Variants in BTBD9 observed in about 807,000 individuals in gnomAD.
BTBD9 encodes BTB domain containing 9.
In BTBD9, 49 loss-of-function variants were observed where a neutral mutation model predicts 64.3. The ratio of observed to expected loss-of-function variants is 0.76; its 90% CI spans 0.61 to 0.97. BTBD9 has a LOEUF of 0.97. BTBD9 is among the 50% of genes least tolerant of loss of function. The pLI, the probability that BTBD9 is intolerant of heterozygous loss-of-function variation, is 0.00. For missense variants in BTBD9, 598 were observed against 762.1 expected (o/e 0.78, Z 2.53); for synonymous variants, 260 against 274.7 (o/e 0.95, Z 0.53).
chr6:38,481,149 TG>T (rs1258589562), intron 6 of BTBD9, among the ~76,000 whole-genome samples: 2 of 152,030 alleles, frequency 1.3e-5, no homozygotes, highest in East Asian at 3.8e-4. Context: ...CCCATGATGA[TG>T]TGAAAGGGAA....
At position 38,484,234 on chromosome 6, in the gene BTBD9, G is replaced by C. The variant is rs192611640; in HGVS notation, c.1154+93366C>G. On this transcript the variant is annotated intron_variant, in intron 6 of 10. Transcript: ENST00000481247. ...AATCAGACCTATGAAACTAGAACTA[G>C]AATTACTAAGGAAGTGTTATATTTT... Among the ~76,000 whole-genome samples, 44 of 152,270 alleles carry C rather than the reference G, an allele frequency of 2.9e-4. 1 individual carries two copies. The highest frequency in any genetic ancestry group is 2.4e-3 in the Admixed American group (36 of 15,298).
chr6:38,482,571 A>G (rs1771204598), intron 6 of BTBD9: 1 of 152,148 alleles, frequency 6.6e-6, no homozygotes, highest in Admixed American at 6.5e-5. Flanking sequence ...ATGTTTGTGT[A>G]GCTGTTATAT....
chr6:38,424,612 G>A (rs759955448), intron 6 of BTBD9, among the ~76,000 whole-genome samples: 11 of 151,816 alleles, frequency 7.2e-5, no homozygotes, highest in Non-Finnish European at 1.5e-4. Flanking sequence ...TGCCTCCCGG[G>A]TTCAAGAGAT....
intron 7 of BTBD9, among the ~76,000 whole-genome samples, chr6:38,304,895 C>G (rs1762569095): frequency 6.6e-6 from 1 of 152,088 alleles, no homozygotes; most frequent in Non-Finnish European, 1.5e-5. Flanking sequence ...TAGCACTGTC[C>G]CACTTAATAG....
chr6:38,637,594 C>G (rs1484164561), intron 1 of BTBD9, among the ~76,000 whole-genome samples: 1 of 152,092 alleles, frequency 6.6e-6, no homozygotes. Flanking sequence ...GAGAGATAAT[C>G]CCAAGCAAAA....
At chr6:38,218,700 C>G (rs765267348) in intron 9 of BTBD9, among the ~76,000 whole-genome samples, 1 of 152,090 alleles carries the variant, frequency 6.6e-6, no homozygotes, top group Non-Finnish European at 1.5e-5. Flanking sequence ...GTGTGTGGCA[C>G]GGACAGAAGC....
intron 6 of BTBD9, among the ~76,000 whole-genome samples, chr6:38,453,807 G>A (rs756748650): frequency 1.3e-5 from 2 of 152,076 alleles, no homozygotes; most frequent in Admixed American, 6.6e-5. Flanking sequence ...TGCAATAACC[G>A]CTATATAAAT....
chr6:38,587,063 C>CA (rs35943182), intron 4 of BTBD9, among the ~76,000 whole-genome samples: 1,638 of 122,558 alleles, frequency 0.013, 20 homozygotes, highest in East Asian at 0.048. Context: ...GACTCCATCT[C>CA]AAAAAAAAAA....
At chr6:38,249,514 C>T (rs1764319909) in intron 9 of BTBD9, among the ~76,000 whole-genome samples, 1 of 152,084 alleles carries the variant, frequency 6.6e-6, no homozygotes. Context: ...AATCCTCCTG[C>T]CTCAGCCTCC....
At chr6:38,323,631 C>T (rs1168335961) in intron 7 of BTBD9, among the ~76,000 whole-genome samples, 2 of 152,190 alleles carry the variant, frequency 1.3e-5, no homozygotes, top group African/African-American at 4.8e-5. Context: ...CGTCAATTTC[C>T]ATATGAGAGA....
rs957584353 is a variant in BTBD9, at chr6:38,284,584, A to G, written c.1454+3688T>C. On this transcript the variant is annotated intron_variant, in intron 8 of 10. Transcript: ENST00000481247. ...CCCCAGTTTCCCCTTCTTTTTTGAT[A>G]GACTACCTCATCAGTACATTGAATC... is the stretch of plus-strand genomic sequence containing the variant. Among the ~76,000 whole-genome samples, 133 of 152,242 alleles carry G rather than the reference A, an allele frequency of 8.7e-4. 1 individual carries two copies. The highest frequency in any genetic ancestry group is 3.2e-3 in the African/African-American group (131 of 41,546).
chr6:38,536,779 C>T (rs981819525), intron 6 of BTBD9, among the ~76,000 whole-genome samples: 16 of 152,118 alleles, frequency 1.1e-4, no homozygotes, highest in Non-Finnish European at 2.4e-4. Context: ...CAATTGAACT[C>T]GTGGAGATAG....
At chr6:38,581,316 G>A (rs1412667053) in intron 4 of BTBD9, among the ~76,000 whole-genome samples, 1 of 152,166 alleles carries the variant, frequency 6.6e-6, no homozygotes, top group Admixed American at 6.5e-5. Flanking sequence ...AACAGAAAAA[G>A]AAAGGTTCCA....
At chr6:38,396,097 G>C (rs1766659235) in intron 6 of BTBD9, among the ~76,000 whole-genome samples, 1 of 152,122 alleles carries the variant, frequency 6.6e-6, no homozygotes, top group Non-Finnish European at 1.5e-5. Flanking sequence ...GAAGGTGACT[G>C]AGGTAAGAAG....
intron 1 of BTBD9, among the ~76,000 whole-genome samples, chr6:38,624,676 C>T (rs1274954216): frequency 1.3e-5 from 2 of 149,292 alleles, no homozygotes; most frequent in Non-Finnish European, 2.9e-5. Flanking sequence ...ATCCTACCCC[C>T]CATCCAGAAA....
intron 6 of BTBD9, among the ~76,000 whole-genome samples, chr6:38,389,468 A>G (rs1766318009): frequency 6.6e-6 from 1 of 152,226 alleles, no homozygotes. Flanking sequence ...AAGCACCTGC[A>G]CTACACATAC....
chr6:38,403,947 G>C (rs1198436877), intron 6 of BTBD9, among the ~76,000 whole-genome samples: 3 of 152,178 alleles, frequency 2.0e-5, no homozygotes, highest in Non-Finnish European at 4.4e-5. Context: ...TGAACCTTGA[G>C]AGAATTATAT....
chr6:38,463,059 G>A (rs1332030072), intron 6 of BTBD9, among the ~76,000 whole-genome samples: 1 of 152,214 alleles, frequency 6.6e-6, no homozygotes, highest in East Asian at 1.9e-4. Flanking sequence ...GCCTCCCAAA[G>A]TGCTGGGATT....
chr6:38,633,190 C>T (rs1778418803), intron 1 of BTBD9, among the ~76,000 whole-genome samples: 1 of 152,152 alleles, frequency 6.6e-6, no homozygotes, highest in Admixed American at 6.5e-5. Flanking sequence ...AATGAGACTG[C>T]ATTTCTACAT....
Sources: allele counts gnomAD v4.1 joint callset (sites outside exome capture counted in the v4.1 genomes callset), GRCh38; gene constraint gnomAD v4.1.1; transcripts MANE v1.5; gene names NCBI Gene and HGNC (gene_info 2026-07-23, HGNC 2026-07-21).